MLLT3: variants seen among roughly 807,000 people sequenced by gnomAD.
The protein encoded by MLLT3 is MLLT3 super elongation complex subunit, also known as protein AF-9.
In MLLT3, 4 loss-of-function variants were observed where a neutral mutation model predicts 53.2. That is an observed-to-expected ratio of 0.08 (90% confidence interval 0.04 to 0.17). The LOEUF is 0.17. Ranked by LOEUF, MLLT3 falls within the 10% of genes least tolerant of loss-of-function variation. The pLI, the probability that MLLT3 is intolerant of heterozygous loss-of-function variation, is 1.00. For missense variants in MLLT3, 569 were observed against 684.0 expected, an observed-to-expected ratio of 0.83 and a Z score of 1.87; for synonymous variants, 283 against 230.6, an observed-to-expected ratio of 1.23 and a Z score of -2.06.
intron 2 of MLLT3, among the ~76,000 whole-genome samples, chr9:20,597,723 A>G (rs1820313142): frequency 6.6e-6 from 1 of 152,176 alleles, no homozygotes; most frequent in South Asian, 2.1e-4. Flanking sequence ...TGTGAAGCCT[A>G]TTTCATGCTT....
At chr9:20,481,742 C>G (rs755675245) in intron 2 of MLLT3, among the ~76,000 whole-genome samples, 35 of 152,206 alleles carry the variant, frequency 2.3e-4, no homozygotes, top group Admixed American at 5.9e-4. Context: ...AGGAATGGAG[C>G]ATTGGAGAAA....
chr9:20,482,584 T>A (rs1471753388), intron 2 of MLLT3, among the ~76,000 whole-genome samples: 2 of 152,228 alleles, frequency 1.3e-5, no homozygotes, highest in Non-Finnish European at 2.9e-5. Flanking sequence ...GGTGATATCC[T>A]ATACAACACA....
At chr9:20,450,302 G>A (rs1823807543) in intron 3 of MLLT3, among the ~76,000 whole-genome samples, 1 of 152,076 alleles carries the variant, frequency 6.6e-6, no homozygotes, top group Admixed American at 6.6e-5. Flanking sequence ...TTCATTTGAT[G>A]TCCTCCCTGA....
At chr9:20,378,134 A>G (rs927119944) in intron 5 of MLLT3, among the ~76,000 whole-genome samples, 2 of 151,894 alleles carry the variant, frequency 1.3e-5, no homozygotes, top group East Asian at 1.9e-4. Context: ...TAAATTTTCA[A>G]TTTTTTGTAT....
At chr9:20,385,683 A>G (rs1022946233) in intron 5 of MLLT3, among the ~76,000 whole-genome samples, 1 of 152,150 alleles carries the variant, frequency 6.6e-6, no homozygotes, top group Non-Finnish European at 1.5e-5. Context: ...CCCACTCCCA[A>G]GTCACAACAT....
At chr9:20,516,199 T>C (rs551581996) in intron 2 of MLLT3, among the ~76,000 whole-genome samples, 99 of 152,242 alleles carry the variant, frequency 6.5e-4, no homozygotes, top group Non-Finnish European at 1.3e-3. Context: ...GAGGAGAAAG[T>C]ATCCCCATCA....
At chr9:20,532,129 A>T (rs1006487051) in intron 2 of MLLT3, among the ~76,000 whole-genome samples, 3 of 152,166 alleles carry the variant, frequency 2.0e-5, no homozygotes, top group Non-Finnish European at 4.4e-5. Flanking sequence ...GCGAAACATT[A>T]AACCTTATCA....
intron 2 of MLLT3, among the ~76,000 whole-genome samples, chr9:20,507,470 G>T (rs898984656): frequency 5.9e-5 from 9 of 151,930 alleles, no homozygotes; most frequent in Non-Finnish European, 1.2e-4. Context: ...TTCATAAAAA[G>T]GTCCTAGTTT....
intron 2 of MLLT3, among the ~76,000 whole-genome samples, chr9:20,568,468 G>T (rs575164670): frequency 2.0e-5 from 3 of 152,214 alleles, no homozygotes; most frequent in African/African-American, 7.2e-5. Context: ...TTTATGTTCA[G>T]AAAATATTTA....
At chr9:20,459,485 G>C (rs1824055640) in intron 2 of MLLT3, among the ~76,000 whole-genome samples, 1 of 152,176 alleles carries the variant, frequency 6.6e-6, no homozygotes, top group Non-Finnish European at 1.5e-5. Context: ...GACACTTCCA[G>C]GCTGCAAAGC....
At chr9:20,589,111 T>C (rs1349845489) in intron 2 of MLLT3, among the ~76,000 whole-genome samples, 1 of 149,630 alleles carries the variant, frequency 6.7e-6, no homozygotes, top group Non-Finnish European at 1.5e-5. Flanking sequence ...CTATAAATCA[T>C]GCTGCTATAA....
In MLLT3 at chr9:20,586,410, A is replaced by G. The variant is rs1377541016; in HGVS notation, c.193+34244T>C. ...ATTCTGTGACTGGAAAGAAAAAAAA[A>G]AAAGGAGATTGAAAATTGACGTTTG... On this transcript the variant is annotated intron_variant, in intron 2 of 10. Transcript: ENST00000380338. Among the ~76,000 whole-genome samples the G allele has an allele frequency of 2.6e-5, 4 of 152,176 alleles. No individual in the cohort carries two copies. In the East Asian group the frequency reaches 7.7e-4, roughly 29 times the overall value.
At chr9:20,406,737 T>C (rs754561342) in intron 5 of MLLT3, among the ~76,000 whole-genome samples, 11 of 152,230 alleles carry the variant, frequency 7.2e-5, no homozygotes, top group Non-Finnish European at 1.5e-4. Context: ...ATTCTGAATA[T>C]TTCTTCCTAT....
At chr9:20,470,878 T>C (rs1317260433) in intron 2 of MLLT3, among the ~76,000 whole-genome samples, 2 of 152,044 alleles carry the variant, frequency 1.3e-5, no homozygotes, top group African/African-American at 2.4e-5. Flanking sequence ...ATATCAAACA[T>C]TGCAAATAAG....
chr9:20,495,357 C>T (rs903779062), intron 2 of MLLT3, among the ~76,000 whole-genome samples: 4 of 152,076 alleles, frequency 2.6e-5, no homozygotes, highest in Non-Finnish European at 4.4e-5. Context: ...AACAAGATGC[C>T]CAGGTTATCA....
Position 20,370,516 on chromosome 9 carries a change from CT to C in MLLT3, c.1126-4773del, listed in dbSNP as rs112766052. On this transcript the variant is annotated intron_variant, in intron 5 of 10. Coordinates refer to ENST00000380338, the MANE Select transcript of MLLT3 (RefSeq NM_004529.4). ...TCAAATGAAAGGAAGAGCCACAAATCTTTTTTTTTTTGAGACAGAGTTTCGC... is the reference window on the plus strand; with the variant it reads ...TCAAATGAAAGGAAGAGCCACAAATCTTTTTTTTTTGAGACAGAGTTTCGC... Among the ~76,000 whole-genome samples, 168 of 146,300 alleles carry C rather than the reference CT, an allele frequency of 1.1e-3. 1 individual carries two copies. The highest frequency in any genetic ancestry group is 3.1e-3 in the African/African-American group (124 of 40,206).
chr9:20,605,003 T>C (rs1820526041), intron 2 of MLLT3, among the ~76,000 whole-genome samples: 1 of 152,084 alleles, frequency 6.6e-6, no homozygotes, highest in South Asian at 2.1e-4. Context: ...TTATAAAAAC[T>C]ACTGGAAAAC....
In MLLT3 at chr9:20,595,718, T is replaced by C. The variant is rs1318004527; in HGVS notation, c.193+24936A>G. Among the ~76,000 whole-genome samples the C allele has an allele frequency of 2.0e-5, 3 of 152,296 alleles. No individual in the cohort carries two copies. In the East Asian group the frequency reaches 5.8e-4, roughly 29 times the overall value. The stretch of plus-strand genomic sequence containing the variant: ...CATGACGTTTGAAAGATACAAAGTG[T>C]CATAATGCTAGTAGCAGTAACCACA... On this transcript the variant is annotated intron_variant, in intron 2 of 10. Transcript: ENST00000380338.
At chr9:20,357,812 T>C (rs1439002606) in intron 8 of MLLT3, among the ~76,000 whole-genome samples, 2 of 152,198 alleles carry the variant, frequency 1.3e-5, no homozygotes, top group Non-Finnish European at 2.9e-5. Context: ...TATCAATTCA[T>C]AGAGAGAGAA....
Sources: allele counts gnomAD v4.1 joint callset (sites outside exome capture counted in the v4.1 genomes callset), GRCh38; gene constraint gnomAD v4.1.1; transcripts MANE v1.5; gene names NCBI Gene and HGNC (gene_info 2026-07-23, HGNC 2026-07-21).